PLD5: variants seen among roughly 807,000 people sequenced by gnomAD.
PLD5 encodes inactive phospholipase D5.
In PLD5, 36 loss-of-function variants were observed where a neutral mutation model predicts 61.1. The observed-to-expected ratio is 0.59, with a 90% CI of 0.45 to 0.78. PLD5 has a LOEUF of 0.78. Among genes scored for constraint, PLD5 ranks in the 30% least tolerant of loss-of-function variants. PLD5 has a pLI of 0.00. For synonymous variants in PLD5, 243 were observed against 242.8 expected, an observed-to-expected ratio of 1.00 and a Z score of -0.01; for missense variants, 515 against 644.4, an observed-to-expected ratio of 0.80 and a Z score of 2.17.
At chr1:242,501,554 A>G (rs1246353126) in intron 1 of PLD5, among the ~76,000 whole-genome samples, 2 of 152,176 alleles carry the variant, frequency 1.3e-5, no homozygotes, top group Admixed American at 6.5e-5. Flanking sequence ...CTCAATGATC[A>G]ATGCTCATAA....
At chr1:242,295,008 A>G (rs1349267203) in intron 2 of PLD5, among the ~76,000 whole-genome samples, 2 of 152,164 alleles carry the variant, frequency 1.3e-5, no homozygotes, top group East Asian at 3.9e-4. Flanking sequence ...ACCGACATTC[A>G]TTCTTTAGAT....
intron 2 of PLD5, among the ~76,000 whole-genome samples, chr1:242,343,998 C>CT (rs1246647674): frequency 2.0e-5 from 3 of 152,130 alleles, no homozygotes; most frequent in Non-Finnish European, 4.4e-5. Flanking sequence ...AAACTAACCC[C>CT]TTATCTGCAA....
chr1:242,346,883 A>T (rs1660168028), intron 2 of PLD5, among the ~76,000 whole-genome samples: 1 of 152,074 alleles, frequency 6.6e-6, no homozygotes, highest in Non-Finnish European at 1.5e-5. Context: ...TTTAGCTCCC[A>T]CTTATAAGTC....
At chr1:242,171,833 CAAG>C (rs1666774160) in intron 5 of PLD5, among the ~76,000 whole-genome samples, 1 of 152,016 alleles carries the variant, frequency 6.6e-6, no homozygotes. Flanking sequence ...ATCAGTGCAA[CAAG>C]AAGAGCTTAT....
At chr1:242,177,393 C>A (rs139214471) in intron 5 of PLD5, among the ~76,000 whole-genome samples, 2 of 151,982 alleles carry the variant, frequency 1.3e-5, no homozygotes, top group Admixed American at 6.6e-5. Context: ...GGGAGGGGAA[C>A]AACACACACC....
At chr1:242,461,381 T>C (rs891739040) in intron 1 of PLD5, among the ~76,000 whole-genome samples, 3 of 152,226 alleles carry the variant, frequency 2.0e-5, no homozygotes, top group African/African-American at 7.2e-5. Context: ...AGGTGTATTA[T>C]AGTATGCCGT....
intron 6 of PLD5, among the ~76,000 whole-genome samples, chr1:242,118,686 T>C (rs1662136265): frequency 6.6e-6 from 1 of 152,354 alleles, no homozygotes; most frequent in East Asian, 1.9e-4. Flanking sequence ...CCTGCCTTAT[T>C]GCTTCCTGTG....
chr1:242,305,404 T>G (rs1270882470), intron 2 of PLD5, among the ~76,000 whole-genome samples: 3 of 152,176 alleles, frequency 2.0e-5, no homozygotes, highest in African/African-American at 7.2e-5. Flanking sequence ...GTACACACAT[T>G]CCTTAACTTT....
chr1:242,241,171 G>A (rs1452540410), intron 4 of PLD5, among the ~76,000 whole-genome samples: 1 of 152,160 alleles, frequency 6.6e-6, no homozygotes, highest in Non-Finnish European at 1.5e-5. Context: ...TTCTTCTGAA[G>A]TTGTTGGTCA....
rs76792621 is a variant in PLD5 at position 242,237,790 on chromosome 1, T to C, written c.608-17675A>G. 8.3e-3 allele frequency among the ~76,000 whole-genome samples: 1,260 copies of C among 152,318 alleles called. 77 individuals are homozygous for C. In the South Asian group the frequency reaches 0.14, roughly 17 times the overall value. ...CCTTACTTGCATCCTAGAGGCAGGA[T>C]TGCCAGATTTATTAAAACAAAACAA... On this transcript the variant is annotated intron_variant, in intron 4 of 9. Transcript: ENST00000536534.
intron 5 of PLD5, among the ~76,000 whole-genome samples, chr1:242,199,681 C>T (rs1327273880): frequency 6.6e-6 from 1 of 152,128 alleles, no homozygotes; most frequent in African/African-American, 2.4e-5. Flanking sequence ...TCCCACCCCT[C>T]GAAGTCCCCA....
At chr1:242,488,384 C>A (rs368227866) in intron 1 of PLD5, among the ~76,000 whole-genome samples, 4 of 152,146 alleles carry the variant, frequency 2.6e-5, no homozygotes, top group Admixed American at 6.5e-5. Context: ...TATTATTCAG[C>A]ACTAAAAGGA....
At chr1:242,365,680 G>T in intron 1 of PLD5, 1 of 189,142 alleles carries the variant, frequency 5.3e-6, no homozygotes, top group Non-Finnish European at 1.1e-5. Context: ...TGTGACTGTT[G>T]GCCATGTAAA....
chr1:242,226,388 G>A (rs569327512), intron 4 of PLD5, among the ~76,000 whole-genome samples: 27 of 152,256 alleles, frequency 1.8e-4, no homozygotes, highest in African/African-American at 5.3e-4. Flanking sequence ...TTTCGGCCCC[G>A]CAGTCTACTT....
chr1:242,409,957 G>A (rs1313948045), intron 1 of PLD5, among the ~76,000 whole-genome samples: 1 of 152,144 alleles, frequency 6.6e-6, no homozygotes, highest in Non-Finnish European at 1.5e-5. Flanking sequence ...TAGAGCTGGG[G>A]CTTTCCTGCT....
At chr1:242,456,883 C>G (rs924750754) in intron 1 of PLD5, among the ~76,000 whole-genome samples, 2 of 152,006 alleles carry the variant, frequency 1.3e-5, no homozygotes, top group African/African-American at 4.8e-5. Flanking sequence ...ACACTGCGTC[C>G]GTAACACTAT....
At chr1:242,459,420 G>A (rs1474382956) in intron 1 of PLD5, among the ~76,000 whole-genome samples, 1 of 152,090 alleles carries the variant, frequency 6.6e-6, no homozygotes, top group Non-Finnish European at 1.5e-5. Flanking sequence ...TCTTTGGGAG[G>A]ATCCACTATC....
chr1:242,319,797 G>C (rs1371847259), intron 2 of PLD5, among the ~76,000 whole-genome samples: 1 of 152,170 alleles, frequency 6.6e-6, no homozygotes, highest in African/African-American at 2.4e-5. Flanking sequence ...TAATAATGCA[G>C]ATTCACTGAG....
At chr1:242,494,142 T>TCCC in intron 1 of PLD5, among the ~76,000 whole-genome samples, 1 of 122,952 alleles carries the variant, frequency 8.1e-6, no homozygotes, top group African/African-American at 3.1e-5. Flanking sequence ...TCCCCTCTCC[T>TCCC]CTCTCGATTC....
Sources: allele counts gnomAD v4.1 joint callset (sites outside exome capture counted in the v4.1 genomes callset), GRCh38; gene constraint gnomAD v4.1.1; transcripts MANE v1.5; gene names NCBI Gene and HGNC (gene_info 2026-07-23, HGNC 2026-07-21).